The following KCNIP4 variants were observed in gnomAD, a reference collection of about 807,000 sequenced individuals.
KCNIP4 encodes Kv channel-interacting protein 4.
In KCNIP4, 12 loss-of-function variants were observed where a neutral mutation model predicts 34.0. The observed-to-expected ratio is 0.35, with a 90% CI of 0.23 to 0.57. The LOEUF (loss-of-function observed/expected upper bound fraction) is 0.57. Among genes scored for constraint, KCNIP4 ranks in the 20% least tolerant of loss-of-function variants. The pLI is 0.83. For synonymous variants in KCNIP4, 124 were observed against 102.2 expected (o/e 1.21, Z -1.29); for missense variants, 238 against 311.7 (o/e 0.76, Z 1.78).
At chr4:21,814,574 T>C (rs1366231277) in intron 1 of KCNIP4, among the ~76,000 whole-genome samples, 1 of 152,156 alleles carries the variant, frequency 6.6e-6, no homozygotes, top group Non-Finnish European at 1.5e-5. Flanking sequence ...CCTTTATAAA[T>C]TACCCAGTCT....
intron 1 of KCNIP4, among the ~76,000 whole-genome samples, chr4:21,773,262 T>C (rs756633715): frequency 6.6e-6 from 1 of 152,232 alleles, no homozygotes; most frequent in Non-Finnish European, 1.5e-5. Flanking sequence ...CTAATTTAAT[T>C]GCACTGTGGT....
intron 1 of KCNIP4, among the ~76,000 whole-genome samples, chr4:21,694,920 A>T (rs1207291975): frequency 1.1e-5 from 1 of 94,518 alleles, no homozygotes; most frequent in East Asian, 2.1e-4. Flanking sequence ...TGACCAAAAA[A>T]AAAAAAAAAA....
chr4:21,353,916 C>T (rs983977119), intron 1 of KCNIP4, among the ~76,000 whole-genome samples: 1 of 152,156 alleles, frequency 6.6e-6, no homozygotes, highest in Non-Finnish European at 1.5e-5. Context: ...GGGTTACCCA[C>T]AAAGGGAAGC....
chr4:20,751,332 G>A (rs111581128), intron 4 of KCNIP4, among the ~76,000 whole-genome samples: 113 of 152,216 alleles, frequency 7.4e-4, no homozygotes, highest in African/African-American at 2.7e-3. Context: ...AAATTCTTTT[G>A]CATATGGAGC....
intron 1 of KCNIP4, among the ~76,000 whole-genome samples, chr4:21,058,464 A>G (rs983463406): frequency 6.6e-6 from 1 of 152,118 alleles, no homozygotes; most frequent in African/African-American, 2.4e-5. Flanking sequence ...GTCCTGCCTC[A>G]GTGAGTATTA....
chr4:21,224,432 T>G (rs1415961883), intron 1 of KCNIP4, among the ~76,000 whole-genome samples: 1 of 151,724 alleles, frequency 6.6e-6, no homozygotes, highest in Non-Finnish European at 1.5e-5. Context: ...CCAACTTACC[T>G]CCCCAAAGCC....
At chr4:20,755,337 A>T (rs142289932) in intron 4 of KCNIP4, among the ~76,000 whole-genome samples, 1 of 152,352 alleles carries the variant, frequency 6.6e-6, no homozygotes, top group Admixed American at 6.5e-5. Context: ...CCCAAAGGAA[A>T]TCTGACTTTT....
rs544208462 is a variant in KCNIP4, at chr4:21,436,945, A to T, written c.61+511626T>A. Among the ~76,000 whole-genome samples, 85 of 152,352 alleles carry T rather than the reference A, an allele frequency of 5.6e-4. No individual in the cohort carries two copies. The South Asian group carries it at 0.017, about 30-fold the overall frequency. On this transcript the variant is annotated intron_variant, in intron 1 of 8. Transcript: ENST00000382152. The stretch of plus-strand genomic sequence containing the variant: ...CAACTGTGCCATCGTTTTACAAACC[A>T]ACAAGTCCATATTCTAACACCTTCA...
At chr4:20,937,220 G>GTT (rs1157766416) in intron 1 of KCNIP4, among the ~76,000 whole-genome samples, 2 of 105,138 alleles carry the variant, frequency 1.9e-5, no homozygotes, top group African/African-American at 3.5e-5. Context: ...CCCCCAAGGA[G>GTT]TCTTTTTTTT....
At chr4:21,101,078 G>A (rs547576162) in intron 1 of KCNIP4, among the ~76,000 whole-genome samples, 1 of 152,242 alleles carries the variant, frequency 6.6e-6, no homozygotes, top group South Asian at 2.1e-4. Flanking sequence ...TGAACATTGT[G>A]CCTAATAAGT....
chr4:21,104,814 GC>G (rs1748343428), intron 1 of KCNIP4, among the ~76,000 whole-genome samples: 1 of 151,578 alleles, frequency 6.6e-6, no homozygotes, highest in Non-Finnish European at 1.5e-5. Context: ...TCTCCATATG[GC>G]TAGCCAGTTT....
chr4:21,926,548 G>A (rs984025573), intron 1 of KCNIP4, among the ~76,000 whole-genome samples: 1 of 152,118 alleles, frequency 6.6e-6, no homozygotes, highest in Admixed American at 6.6e-5. Context: ...CAGTCTCCAG[G>A]ATAGGCACTT....
intron 1 of KCNIP4, among the ~76,000 whole-genome samples, chr4:21,935,997 C>T (rs1729843021): frequency 6.6e-6 from 1 of 150,726 alleles, no homozygotes; most frequent in African/African-American, 2.4e-5. Flanking sequence ...TGTATAGCTA[C>T]ACACACATAG....
chr4:20,862,314 G>T (rs1006987443), intron 2 of KCNIP4, among the ~76,000 whole-genome samples: 3 of 152,092 alleles, frequency 2.0e-5, no homozygotes, highest in Admixed American at 1.3e-4. Flanking sequence ...AGGTGGTAGG[G>T]TCTTAATTGA....
intron 1 of KCNIP4, among the ~76,000 whole-genome samples, chr4:21,568,727 T>C (rs529965894): frequency 1.3e-5 from 2 of 152,252 alleles, no homozygotes; most frequent in African/African-American, 4.8e-5. Context: ...GACTGAAGAC[T>C]GCACTATGGG....
chr4:21,583,112 C>T (rs1741359651), intron 1 of KCNIP4, among the ~76,000 whole-genome samples: 1 of 151,880 alleles, frequency 6.6e-6, no homozygotes, highest in Non-Finnish European at 1.5e-5. Flanking sequence ...AAGAAAACCG[C>T]CCTCAGTAAA....
At chr4:20,925,764 A>G (rs946009622) in intron 1 of KCNIP4, among the ~76,000 whole-genome samples, 3 of 152,176 alleles carry the variant, frequency 2.0e-5, no homozygotes, top group African/African-American at 7.2e-5. Context: ...CATGGTTACA[A>G]TTTATTATTA....
chr4:21,030,212 C>T (rs1276464036), intron 1 of KCNIP4, among the ~76,000 whole-genome samples: 1 of 152,010 alleles, frequency 6.6e-6, no homozygotes, highest in Non-Finnish European at 1.5e-5. Context: ...TAAGCAGCAC[C>T]ATTAGATTCT....
At chr4:21,711,211 C>T (rs561240185) in intron 1 of KCNIP4, among the ~76,000 whole-genome samples, 43 of 152,274 alleles carry the variant, frequency 2.8e-4, no homozygotes, top group African/African-American at 9.6e-4. Context: ...CAGTGGCTCA[C>T]GCCTGTAATC....
Sources: gnomAD v4.1 joint callset for allele counts (sites outside exome capture counted in the v4.1 genomes callset) on GRCh38, gnomAD v4.1.1 for gene constraint, MANE v1.5 for transcripts, NCBI Gene and HGNC (gene_info 2026-07-23, HGNC 2026-07-21) for gene names.